HDAC9: variants seen among roughly 807,000 people sequenced by gnomAD.
HDAC9 encodes histone deacetylase 9, also known as MEF-2 interacting transcription repressor (MITR) protein.
Under a neutral mutation model 139.4 loss-of-function variants are expected in HDAC9, and 41 were observed. The observed-to-expected ratio is 0.29, with a 90% confidence interval of 0.23 to 0.38. The LOEUF is 0.38. Among genes scored for constraint, HDAC9 ranks in the 10% least tolerant of loss-of-function variants. The pLI is 1.00. For synonymous variants in HDAC9, 517 were observed against 476.2 expected, an observed-to-expected ratio of 1.09 and a Z score of -1.12; for missense variants, 1,147 against 1,297.0, an observed-to-expected ratio of 0.88 and a Z score of 1.78.
At chr7:18,172,318 C>A (rs978078555) in intron 2 of HDAC9, among the ~76,000 whole-genome samples, 2 of 151,922 alleles carry the variant, frequency 1.3e-5, no homozygotes, top group Non-Finnish European at 1.5e-5. Context: ...TTTTTGATTG[C>A]GTCTATTTGA....
At chr7:18,163,472 C>G (rs1406003835) in intron 2 of HDAC9, among the ~76,000 whole-genome samples, 1 of 152,156 alleles carries the variant, frequency 6.6e-6, no homozygotes, top group African/African-American at 2.4e-5. Flanking sequence ...AAGCCCTATT[C>G]TCATAGTTTT....
chr7:18,544,417 G>T (rs1814063044), intron 2 of HDAC9, among the ~76,000 whole-genome samples: 2 of 152,224 alleles, frequency 1.3e-5, no homozygotes, highest in South Asian at 4.1e-4. Flanking sequence ...TGTATTATTA[G>T]GTGTGAGATG....
chr7:18,563,747 AT>A (rs569882577), intron 2 of HDAC9, among the ~76,000 whole-genome samples: 38 of 147,276 alleles, frequency 2.6e-4, no homozygotes, highest in African/African-American at 8.3e-4. Context: ...AACTTAGATT[AT>A]TTTTTTTTAT....
chr7:18,468,014 T>G (rs967446998), intron 1 of HDAC9, among the ~76,000 whole-genome samples: 4 of 152,254 alleles, frequency 2.6e-5, no homozygotes, highest in Non-Finnish European at 5.9e-5. Flanking sequence ...AGGTTATAGG[T>G]GTTCAGAGAA....
chr7:18,150,748 C>CA (rs1786717776), intron 1 of HDAC9, among the ~76,000 whole-genome samples: 2 of 152,304 alleles, frequency 1.3e-5, no homozygotes, highest in African/African-American at 2.4e-5. Context: ...TTCCCAATAT[C>CA]ACTCGATTCT....
chr7:18,449,508 A>G (rs964894124), intron 1 of HDAC9, among the ~76,000 whole-genome samples: 1 of 152,114 alleles, frequency 6.6e-6, no homozygotes, highest in East Asian at 1.9e-4. Context: ...GTGGTGTTCA[A>G]ATGTTTTCTT....
In HDAC9 at chr7:18,999,456, T is replaced by A. The variant is rs1786642562; in HGVS notation, c.*3394T>A. 1 of 152,234 alleles carries A rather than the reference T, an allele frequency of 6.6e-6. No homozygotes were observed. Among genetic ancestry groups the A allele is most frequent in the South Asian group, 2.1e-4 (1 of 4,828 alleles). The allele number at this position is 152,234 out of a possible 1,614,324, so 9.4% of individuals were successfully genotyped here. On this transcript the variant is annotated 3_prime_UTR_variant, in exon 26 of 26. Coordinates refer to ENST00000686413, the MANE Select transcript of HDAC9 (RefSeq NM_178425.4). ...AAAAATTCCTCTTCAATCAGCATTT[T>A]AAAACTTTTTTATTTTTGAGTCAGA...
chr7:18,331,838 A>G (rs1336196195), intron 1 of HDAC9, among the ~76,000 whole-genome samples: 1 of 151,580 alleles, frequency 6.6e-6, no homozygotes, highest in Non-Finnish European at 1.5e-5. Flanking sequence ...GTAGATCCTC[A>G]ATAGAGATTG....
chr7:18,940,513 T>G (rs762014400), intron 23 of HDAC9, among the ~76,000 whole-genome samples: 1 of 152,138 alleles, frequency 6.6e-6, no homozygotes, highest in Non-Finnish European at 1.5e-5. Context: ...TCTTTTTCAA[T>G]GAAGCACTTA....
At chr7:18,967,473 G>A (rs1439084397) in intron 24 of HDAC9, among the ~76,000 whole-genome samples, 5 of 139,028 alleles carry the variant, frequency 3.6e-5, no homozygotes, top group Non-Finnish European at 6.1e-5. Flanking sequence ...TGGAATCAAA[G>A]CAAAATTTTT....
At chr7:18,663,304 A>G (rs1468139348) in intron 11 of HDAC9, among the ~76,000 whole-genome samples, 1 of 152,108 alleles carries the variant, frequency 6.6e-6, no homozygotes, top group Admixed American at 6.6e-5. Context: ...CTGAGAGGCC[A>G]TGTTGTGGCC....
chr7:18,911,090 T>A (rs950623491), intron 22 of HDAC9, among the ~76,000 whole-genome samples: 3 of 151,710 alleles, frequency 2.0e-5, no homozygotes, highest in African/African-American at 7.2e-5. Context: ...GGTTTCTCTT[T>A]GTTGGGAGAC....
chr7:18,900,307 G>A (rs994875494), intron 22 of HDAC9, among the ~76,000 whole-genome samples: 32 of 152,070 alleles, frequency 2.1e-4, no homozygotes, highest in African/African-American at 7.7e-4. Context: ...AAACTCTAGG[G>A]TGCTTCTTCA....
chr7:18,124,140 A>C (rs1007309603), intron 1 of HDAC9, among the ~76,000 whole-genome samples: 44 of 152,264 alleles, frequency 2.9e-4, no homozygotes, highest in African/African-American at 1.0e-3. Context: ...TTCTAGTTGA[A>C]GTATAGTTCA....
At chr7:18,189,419 A>G (rs1183674946) in intron 2 of HDAC9, among the ~76,000 whole-genome samples, 1 of 152,158 alleles carries the variant, frequency 6.6e-6, no homozygotes, top group Admixed American at 6.5e-5. Flanking sequence ...ATATATACCT[A>G]TGTGACAAAC....
chr7:18,513,590 T>C (rs1352927926), intron 2 of HDAC9, among the ~76,000 whole-genome samples: 1 of 152,188 alleles, frequency 6.6e-6, no homozygotes, highest in African/African-American at 2.4e-5. Flanking sequence ...ATTATGTATT[T>C]GGCTGTTCTC....
At chr7:18,570,461 T>C (rs1823907476) in intron 2 of HDAC9, among the ~76,000 whole-genome samples, 1 of 152,212 alleles carries the variant, frequency 6.6e-6, no homozygotes, top group Non-Finnish European at 1.5e-5. Flanking sequence ...CAAAAATATG[T>C]AATATTATTT....
intron 7 of HDAC9, among the ~76,000 whole-genome samples, chr7:18,631,646 G>T (rs549026156): frequency 1.3e-5 from 2 of 151,702 alleles, no homozygotes; most frequent in Non-Finnish European, 2.9e-5. Context: ...ATTGACATGG[G>T]AACCCACTTG....
At chr7:18,622,785 C>A (rs1196725738) in intron 6 of HDAC9, among the ~76,000 whole-genome samples, 2 of 151,900 alleles carry the variant, frequency 1.3e-5, no homozygotes, top group African/African-American at 4.8e-5. Flanking sequence ...ACATACCACA[C>A]AATGTGGTAT....
Sources: allele counts gnomAD v4.1 joint callset (sites outside exome capture counted in the v4.1 genomes callset), GRCh38; gene constraint gnomAD v4.1.1; transcripts MANE v1.5; gene names NCBI Gene and HGNC (gene_info 2026-07-23, HGNC 2026-07-21).